SUZ12: variants seen among roughly 807,000 people sequenced by gnomAD.
The protein encoded by SUZ12 is polycomb protein SUZ12.
Under a neutral mutation model 87.3 loss-of-function variants are expected in SUZ12, and 17 were observed. The ratio of observed to expected loss-of-function variants is 0.19; its 90% CI spans 0.13 to 0.29. The LOEUF is 0.29. Ranked by LOEUF, SUZ12 falls within the 10% of genes least tolerant of loss-of-function variation. SUZ12 has a pLI of 1.00. For missense variants in SUZ12, 526 were observed against 912.2 expected (o/e 0.58, Z 5.45); for synonymous variants, 253 against 312.4 (o/e 0.81, Z 2.01).
chr17:31,997,496 C>A (rs1195537282), intron 15 of SUZ12, among the ~76,000 whole-genome samples: 1 of 152,006 alleles, frequency 6.6e-6, no homozygotes, highest in Non-Finnish European at 1.5e-5. Flanking sequence ...AACCCTGTCT[C>A]CACTAAACGT....
chr17:31,963,400 C>A (rs1247448138), intron 4 of SUZ12, among the ~76,000 whole-genome samples: 3 of 152,152 alleles, frequency 2.0e-5, no homozygotes, highest in African/African-American at 7.2e-5. Flanking sequence ...GCCTCATCTC[C>A]CATCCCGCCT....
At chr17:31,982,222 A>G (rs1909152457) in intron 8 of SUZ12, among the ~76,000 whole-genome samples, 1 of 152,192 alleles carries the variant, frequency 6.6e-6, no homozygotes, top group African/African-American at 2.4e-5. Context: ...TAGTTACCAG[A>G]TTCGTCATTA....
intron 7 of SUZ12, among the ~76,000 whole-genome samples, chr17:31,976,305 G>A (rs1005118843): frequency 1.3e-5 from 2 of 152,210 alleles, no homozygotes; most frequent in Non-Finnish European, 1.5e-5. Context: ...AGAAACATTA[G>A]CATTTGCAAA....
intron 10 of SUZ12, among the ~76,000 whole-genome samples, 200 bp downstream of exon 10, chr17:31,988,697 AT>A (rs909172412): frequency 3.0e-4 from 46 of 151,032 alleles, no homozygotes; most frequent in Middle Eastern, 6.8e-3. Context: ...GGTTCAGATG[AT>A]TCTCCTGACT....
intron 4 of SUZ12, among the ~76,000 whole-genome samples, chr17:31,951,634 G>A (rs1352293738): frequency 3.3e-5 from 5 of 151,840 alleles, no homozygotes; most frequent in South Asian, 2.1e-4. Context: ...GTGCCACCAC[G>A]CCTGGCTAAT....
intron 9 of SUZ12, 137 bp from the exon 10 acceptor site, chr17:31,988,183 C>A: frequency 2.6e-6 from 2 of 778,286 alleles, no homozygotes; most frequent in African/African-American, 1.8e-5. Context: ...CTAGCCGTCT[C>A]AGTCAGCATT....
Position 31,973,177 on chromosome 17 carries a change from A to C in SUZ12, c.537A>C (p.Gln179His). Reference protein sequence around the residue: ...DKPSPNSENEQNSVTLEVLLV... With the variant: ...DKPSPNSENEHNSVTLEVLLV... ...CATCACCAAACTCAGAAAATGAACA[A>C]AATTCTGTTACCCTGGAAGTCCTGC... The change falls in exon 6 of 16, where the codon CAA becomes CAC. Residue 179 changes from glutamine to histidine, a missense_variant. Around this residue, in one of 9 missense-constraint regions of SUZ12, gnomAD observed 49 missense variants for 73.2 expected, o/e 0.67. Transcript: ENST00000322652. The C allele has an allele frequency of 6.4e-7, 1 of 1,558,234 alleles. No individual in the cohort carries two copies. The highest frequency in any genetic ancestry group is 1.2e-5 in the South Asian group (1 of 81,526).
At chr17:31,937,603 C>T (rs1368897595) in intron 1 of SUZ12, 83 bp downstream of exon 1, 4 of 1,501,366 alleles carry the variant, frequency 2.7e-6, no homozygotes, top group African/African-American at 1.4e-5. Context: ...CCCCCTTCCT[C>T]CTCGGGAGTC....
intron 8 of SUZ12, among the ~76,000 whole-genome samples, chr17:31,977,931 C>T (rs991251029): frequency 3.3e-5 from 5 of 152,048 alleles, no homozygotes; most frequent in African/African-American, 1.2e-4. Context: ...GATTGTGTAC[C>T]TCTGTGCATT....
At chr17:31,986,504 G>A (rs1909427484) in intron 9 of SUZ12, among the ~76,000 whole-genome samples, 1 of 152,000 alleles carries the variant, frequency 6.6e-6, no homozygotes, top group Non-Finnish European at 1.5e-5. Context: ...GTCCAAACTA[G>A]TCTCTGAACA....
chr17:31,992,381 T>C (rs1281324551), intron 10 of SUZ12, among the ~76,000 whole-genome samples: 2 of 152,098 alleles, frequency 1.3e-5, no homozygotes, highest in Non-Finnish European at 1.5e-5. Flanking sequence ...TATAATTGTT[T>C]AGGACATAGG....
chr17:31,988,154 ATACTTT>A (rs1395165303), intron 9 of SUZ12, among the ~76,000 whole-genome samples, 160 bp from the exon 10 acceptor site: 1 of 152,212 alleles, frequency 6.6e-6, no homozygotes, highest in African/African-American at 2.4e-5. Context: ...TGTCTGGTCC[ATACTTT>A]TACTTTGTTT....
At chr17:31,942,285 A>G (rs1906345809) in intron 3 of SUZ12, among the ~76,000 whole-genome samples, 1 of 151,952 alleles carries the variant, frequency 6.6e-6, no homozygotes, top group African/African-American at 2.4e-5. Flanking sequence ...TAGGTCCTGT[A>G]ATGGTGGGTT....
At chr17:31,994,206 A>G (rs1909858823) in intron 12 of SUZ12, 198 bp downstream of exon 12, 1 of 523,470 alleles carries the variant, frequency 1.9e-6, no homozygotes, top group Non-Finnish European at 3.3e-6. Context: ...TGCCGTATAT[A>G]TGGATTACAG....
chr17:31,956,384 G>A (rs903494416), intron 4 of SUZ12, among the ~76,000 whole-genome samples: 6 of 152,060 alleles, frequency 3.9e-5, no homozygotes, highest in African/African-American at 1.4e-4. Flanking sequence ...AGTAGAGATG[G>A]GGTTTCACCG....
intron 6 of SUZ12, among the ~76,000 whole-genome samples, chr17:31,974,975 A>AT (rs1908659135): frequency 6.6e-6 from 1 of 152,118 alleles, no homozygotes; most frequent in African/African-American, 2.4e-5. Context: ...TAAACAACAT[A>AT]TTTTAACTAT....
intron 8 of SUZ12, among the ~76,000 whole-genome samples, chr17:31,981,816 G>T (rs1909127251): frequency 6.6e-6 from 1 of 152,302 alleles, no homozygotes; most frequent in South Asian, 2.1e-4. Context: ...TCTTGCCTCA[G>T]TTTTCTCTTC....
Position 31,999,994 on chromosome 17 carries a change from G to C in SUZ12, c.*991G>C, listed in dbSNP as rs550923. ...TGTTTCATGAATAGAATATCCAATA[G>C]AGATAAGCTGACTTGAATCATTTTG... is the stretch of plus-strand genomic sequence containing the variant. On this transcript the variant is annotated 3_prime_UTR_variant, in exon 16 of 16. Transcript: ENST00000322652. 0.11 allele frequency: 25,992 copies of C among 232,576 alleles called. 1,790 individuals are homozygous for C. The highest frequency in any genetic ancestry group is 0.18 in the Middle Eastern group (144 of 780). 14.4% of individuals were successfully genotyped at this position (232,576 alleles called of 1,614,324 possible).
chr17:31,990,934 A>G (rs924329042), intron 10 of SUZ12, among the ~76,000 whole-genome samples: 2 of 151,892 alleles, frequency 1.3e-5, no homozygotes, highest in African/African-American at 2.4e-5. Flanking sequence ...TTTTCGGTAG[A>G]GATGGGATTT....
Sources: allele counts gnomAD v4.1 joint callset (sites outside exome capture counted in the v4.1 genomes callset), GRCh38; gene constraint gnomAD v4.1.1; regional missense constraint gnomAD v4.1.1; transcripts MANE v1.5; gene names NCBI Gene and HGNC (gene_info 2026-07-23, HGNC 2026-07-21).